Variants in GRM8 observed in about 807,000 individuals in gnomAD.
GRM8 encodes the protein glutamate metabotropic receptor 8, also known as metabotropic glutamate receptor 8.
GRM8 carries 47 observed loss-of-function variants against 87.2 expected under a neutral mutation model. That is an observed-to-expected ratio of 0.54 (90% CI 0.43 to 0.69). GRM8 has a LOEUF of 0.69. Ranked by LOEUF, GRM8 falls within the 30% of genes least tolerant of loss-of-function variation. GRM8 has a pLI of 0.00. For missense variants in GRM8, 1,019 were observed against 1,139.2 expected, an observed-to-expected ratio of 0.89 and a Z score of 1.52; for synonymous variants, 396 against 404.5, an observed-to-expected ratio of 0.98 and a Z score of 0.25.
intron 5 of GRM8, 62 bp downstream of exon 5, chr7:126,903,910 A>C: frequency 1.0e-6 from 1 of 963,670 alleles, no homozygotes; most frequent in Middle Eastern, 2.7e-4. Flanking sequence ...ATGATACTCC[A>C]GTTTTGCCTT....
intron 2 of GRM8, among the ~76,000 whole-genome samples, chr7:127,171,085 T>C (rs571068895): frequency 2.0e-5 from 3 of 152,318 alleles, no homozygotes; most frequent in Non-Finnish European, 4.4e-5. Flanking sequence ...CCAACCTTCA[T>C]GGACAACTTG....
intron 2 of GRM8, among the ~76,000 whole-genome samples, chr7:127,133,425 A>C (rs1358010069): frequency 1.3e-5 from 2 of 151,684 alleles, no homozygotes; most frequent in Admixed American, 6.6e-5. Flanking sequence ...CTCAAAAAAA[A>C]CCACAACCCT....
At chr7:127,070,571 G>T (rs566559982) in intron 3 of GRM8, among the ~76,000 whole-genome samples, 3 of 152,010 alleles carry the variant, frequency 2.0e-5, no homozygotes, top group Non-Finnish European at 4.4e-5. Flanking sequence ...CATAAACCAT[G>T]ATGTGTCCCA....
chr7:127,112,733 C>T (rs1312272021), intron 2 of GRM8, among the ~76,000 whole-genome samples: 4 of 152,136 alleles, frequency 2.6e-5, no homozygotes, highest in African/African-American at 9.7e-5. Flanking sequence ...ACCGAAGTGC[C>T]GCTTCAGTTG....
chr7:126,456,519 TAAAAA>T (rs513), intron 9 of GRM8, among the ~76,000 whole-genome samples: 1 of 69,696 alleles, frequency 1.4e-5, no homozygotes, highest in Non-Finnish European at 2.5e-5. Flanking sequence ...AGCAGCAAGC[TAAAAA>T]AAAAAAAAAA....
intron 2 of GRM8, among the ~76,000 whole-genome samples, chr7:127,235,329 C>T (rs893950335): frequency 3.3e-5 from 5 of 152,192 alleles, no homozygotes; most frequent in African/African-American, 1.2e-4. Flanking sequence ...GAGCATATGA[C>T]CACCATGCTG....
chr7:126,587,643 A>C (rs967125719), intron 8 of GRM8, among the ~76,000 whole-genome samples: 3 of 141,294 alleles, frequency 2.1e-5, no homozygotes, highest in African/African-American at 7.7e-5. Context: ...ACACTTGGAC[A>C]CAGGAAGGGG....
At chr7:126,581,717 C>T (rs1795627022) in intron 8 of GRM8, among the ~76,000 whole-genome samples, 1 of 152,020 alleles carries the variant, frequency 6.6e-6, no homozygotes, top group South Asian at 2.1e-4. Flanking sequence ...ACAGCATGTA[C>T]CCACTTCATG....
At chr7:127,233,699 G>A (rs17863248) in intron 2 of GRM8, among the ~76,000 whole-genome samples, 366 of 152,284 alleles carry the variant, frequency 2.4e-3, no homozygotes, top group Non-Finnish European at 4.5e-3. Context: ...ATTACACCAA[G>A]GAAACCAGCC....
intron 6 of GRM8, among the ~76,000 whole-genome samples, chr7:126,830,957 C>T (rs967551759): frequency 1.3e-5 from 2 of 152,216 alleles, no homozygotes; most frequent in Non-Finnish European, 2.9e-5. Context: ...TTGGAGTTTG[C>T]TAGAGGTCCA....
chr7:126,864,864 A>T (rs565554431), intron 6 of GRM8, among the ~76,000 whole-genome samples: 1 of 149,972 alleles, frequency 6.7e-6, no homozygotes, highest in East Asian at 1.9e-4. Flanking sequence ...GACCCCATAT[A>T]TGGTAGCAGT....
intron 6 of GRM8, among the ~76,000 whole-genome samples, chr7:126,832,182 A>G (rs1418082789): frequency 2.6e-5 from 4 of 151,862 alleles, no homozygotes; most frequent in African/African-American, 9.7e-5. Flanking sequence ...AAAAAAAAAA[A>G]AAAGAAAAAG....
chr7:126,811,649 A>T (rs1793306941), intron 6 of GRM8, among the ~76,000 whole-genome samples: 1 of 151,758 alleles, frequency 6.6e-6, no homozygotes, highest in Admixed American at 6.6e-5. Flanking sequence ...TACCTTCTTG[A>T]TTTGATTCTC....
chr7:126,522,268 C>T (rs1015894652), intron 9 of GRM8, among the ~76,000 whole-genome samples: 4 of 152,116 alleles, frequency 2.6e-5, no homozygotes, highest in Non-Finnish European at 5.9e-5. Context: ...GTCAAACCCC[C>T]AATATTTCTT....
intron 2 of GRM8, among the ~76,000 whole-genome samples, chr7:127,188,420 C>T (rs1232595524): frequency 6.6e-6 from 1 of 152,124 alleles, no homozygotes; most frequent in Non-Finnish European, 1.5e-5. Flanking sequence ...AAGAAGCTTT[C>T]CACCCCTACC....
chr7:127,194,097 G>T, intron 2 of GRM8, among the ~76,000 whole-genome samples: 1 of 152,166 alleles, frequency 6.6e-6, no homozygotes, highest in Middle Eastern at 3.2e-3. Context: ...GTCCAAAGAT[G>T]TAGCTTCCCC....
chr7:126,902,471 C>A, intron 6 of GRM8, 71 bp downstream of exon 6: 1 of 1,245,046 alleles, frequency 8.0e-7, no homozygotes, highest in Non-Finnish European at 1.1e-6. Context: ...TATAGAAAAA[C>A]GTAATTTATC....
intron 7 of GRM8, among the ~76,000 whole-genome samples, chr7:126,682,202 T>C (rs1269707055): frequency 6.6e-6 from 1 of 152,242 alleles, no homozygotes; most frequent in South Asian, 2.1e-4. Flanking sequence ...AGATCAGAGA[T>C]AGAAATTATG....
At chr7:126,625,279 G>A (rs1800562860) in intron 7 of GRM8, among the ~76,000 whole-genome samples, 1 of 152,114 alleles carries the variant, frequency 6.6e-6, no homozygotes, top group Non-Finnish European at 1.5e-5. Flanking sequence ...TTGAGAAAGT[G>A]TAATCATTCT....
Sources: allele counts gnomAD v4.1 joint callset (sites outside exome capture counted in the v4.1 genomes callset), GRCh38; gene constraint gnomAD v4.1.1; transcripts MANE v1.5; gene names NCBI Gene and HGNC (gene_info 2026-07-23, HGNC 2026-07-21).